The following MAPRE2 variants were observed in gnomAD, a reference collection of about 807,000 sequenced individuals.
The protein encoded by MAPRE2 is microtubule-associated protein RP/EB family member 2.
In MAPRE2, 13 loss-of-function variants were observed where a neutral mutation model predicts 43.2. The observed-to-expected ratio is 0.30, with a 90% CI of 0.20 to 0.48. MAPRE2 has a LOEUF of 0.48. MAPRE2 is among the 20% of genes least tolerant of loss of function. The probability of loss-of-function intolerance (pLI) is 0.99; values close to 1 mark genes in which losing one functional copy is unlikely to be tolerated. For missense variants in MAPRE2, 161 were observed against 400.2 expected, an observed-to-expected ratio of 0.40 and a Z score of 5.10; for synonymous variants, 135 against 148.8, an observed-to-expected ratio of 0.91 and a Z score of 0.68.
At chr18:35,135,527 T>A (rs2144256592) in intron 6 of MAPRE2, among the ~76,000 whole-genome samples, 1 of 152,252 alleles carries the variant, frequency 6.6e-6, no homozygotes, top group South Asian at 2.1e-4. Flanking sequence ...AGTCCTACAC[T>A]GGGGGAGTGA....
intron 1 of MAPRE2, among the ~76,000 whole-genome samples, chr18:35,061,299 G>A (rs1906511987): frequency 6.6e-6 from 1 of 152,094 alleles, no homozygotes; most frequent in Non-Finnish European, 1.5e-5. Flanking sequence ...TCTTACATTG[G>A]TCTTCTTCAC....
chr18:35,104,105 A>C (rs1271520855), intron 4 of MAPRE2, among the ~76,000 whole-genome samples: 1 of 152,200 alleles, frequency 6.6e-6, no homozygotes, highest in Non-Finnish European at 1.5e-5. Context: ...GAGAACAAAA[A>C]CCGTAGGAAA....
At chr18:35,020,102 A>C (rs959290598) in intron 2 of MAPRE2, among the ~76,000 whole-genome samples, 1 of 152,140 alleles carries the variant, frequency 6.6e-6, no homozygotes, top group Non-Finnish European at 1.5e-5. Context: ...AAATGTGTGC[A>C]TGATGTGTTT....
At chr18:35,019,598 G>C (rs1439194135) in intron 2 of MAPRE2, among the ~76,000 whole-genome samples, 2 of 151,980 alleles carry the variant, frequency 1.3e-5, no homozygotes, top group African/African-American at 4.8e-5. Flanking sequence ...GTCATAAGCA[G>C]TTTTCCATGC....
chr18:35,099,333 G>A (rs1908568442), intron 3 of MAPRE2, among the ~76,000 whole-genome samples: 1 of 152,202 alleles, frequency 6.6e-6, no homozygotes, highest in African/African-American at 2.4e-5. Context: ...AGTCAATTGA[G>A]GCTGAGCACA....
At chr18:35,024,883 T>C (rs545014102) in intron 2 of MAPRE2, among the ~76,000 whole-genome samples, 3 of 152,264 alleles carry the variant, frequency 2.0e-5, no homozygotes, top group African/African-American at 4.8e-5. Context: ...TAGCTATTAA[T>C]ACAATGATGA....
intron 2 of MAPRE2, among the ~76,000 whole-genome samples, chr18:35,008,136 G>T (rs558396810): frequency 1.3e-5 from 2 of 152,150 alleles, no homozygotes; most frequent in South Asian, 4.1e-4. Context: ...ATCCAAATCT[G>T]TTCCTGCACC....
intron 3 of MAPRE2, among the ~76,000 whole-genome samples, chr18:35,099,012 A>T (rs1457503313): frequency 6.6e-6 from 1 of 152,208 alleles, no homozygotes; most frequent in Non-Finnish European, 1.5e-5. Context: ...TGATGGCACA[A>T]TGGAAAGTTC....
chr18:34,985,278 AT>A (rs2097019205), intron 1 of MAPRE2, among the ~76,000 whole-genome samples: 8 of 19,582 alleles, frequency 4.1e-4, no homozygotes, highest in African/African-American at 1.9e-3. Context: ...ATATAATATA[AT>A]ATATTATATA....
intron 1 of MAPRE2, among the ~76,000 whole-genome samples, chr18:34,990,084 G>C (rs545128939): frequency 6.6e-6 from 1 of 152,136 alleles, no homozygotes; most frequent in Non-Finnish European, 1.5e-5. Flanking sequence ...TTTGGGAATT[G>C]TTTCATTTTC....
intron 4 of MAPRE2, among the ~76,000 whole-genome samples, chr18:35,107,710 T>C (rs893821298): frequency 2.0e-5 from 3 of 152,142 alleles, no homozygotes; most frequent in African/African-American, 7.2e-5. Context: ...TTTAGAAATA[T>C]CAGTTAGATC....
At chr18:35,073,616 G>T (rs1217047076) in intron 2 of MAPRE2, among the ~76,000 whole-genome samples, 2 of 152,066 alleles carry the variant, frequency 1.3e-5, no homozygotes, top group Admixed American at 6.5e-5. Context: ...TCCAATCCTG[G>T]TGGTTCCCAT....
intron 1 of MAPRE2, among the ~76,000 whole-genome samples, chr18:34,995,618 A>G (rs2097026105): frequency 6.6e-6 from 1 of 152,188 alleles, no homozygotes; most frequent in Non-Finnish European, 1.5e-5. Context: ...GCTAGGAATA[A>G]TTGCAGGAAG....
chr18:35,069,599 C>T (rs185642564), intron 1 of MAPRE2, among the ~76,000 whole-genome samples: 248 of 152,108 alleles, frequency 1.6e-3, no homozygotes, highest in Middle Eastern at 3.4e-3. Flanking sequence ...TCTTCTCTCT[C>T]CTTTTGCATG....
At chr18:35,102,558 G>C (rs138314737) in intron 4 of MAPRE2, among the ~76,000 whole-genome samples, 1 of 152,212 alleles carries the variant, frequency 6.6e-6, no homozygotes, top group African/African-American at 2.4e-5. Context: ...TGTTAAATAT[G>C]GATCATCGTC....
chr18:35,108,613 C>T (rs1029282036), intron 4 of MAPRE2, among the ~76,000 whole-genome samples: 1 of 152,160 alleles, frequency 6.6e-6, no homozygotes, highest in Non-Finnish European at 1.5e-5. Flanking sequence ...TCCTATTTCT[C>T]CACAGCCTCG....
At chr18:35,057,139 C>T (rs896125525) in intron 1 of MAPRE2, among the ~76,000 whole-genome samples, 5 of 152,146 alleles carry the variant, frequency 3.3e-5, no homozygotes, top group South Asian at 2.1e-4. Flanking sequence ...CTCAGCCTCC[C>T]AAGTAACTGG....
intron 1 of MAPRE2, among the ~76,000 whole-genome samples, chr18:34,984,814 C>CAT: frequency 9.4e-6 from 1 of 105,896 alleles, no homozygotes; most frequent in South Asian, 2.7e-4. Flanking sequence ...TTATATAATA[C>CAT]TAAAAATATA....
chr18:35,058,826 C>T (rs1231678077), intron 1 of MAPRE2, among the ~76,000 whole-genome samples: 2 of 152,144 alleles, frequency 1.3e-5, no homozygotes, highest in Non-Finnish European at 2.9e-5. Flanking sequence ...TGTGTCCTCA[C>T]TTGGAATTAT....
Sources: gnomAD v4.1 joint callset for allele counts (sites outside exome capture counted in the v4.1 genomes callset) on GRCh38, gnomAD v4.1.1 for gene constraint, MANE v1.5 for transcripts, NCBI Gene and HGNC (gene_info 2026-07-23, HGNC 2026-07-21) for gene names.